Variants in TRAF3IP2 observed in about 807,000 individuals in gnomAD.
TRAF3IP2 encodes TRAF3 interacting protein 2.
Under a neutral mutation model 57.9 loss-of-function variants are expected in TRAF3IP2, and 35 were observed. The observed-to-expected ratio is 0.60, with a 90% CI of 0.46 to 0.80. The LOEUF (loss-of-function observed/expected upper bound fraction) is 0.80, where lower values mean the gene tolerates loss of function less well. TRAF3IP2 is among the 30% of genes least tolerant of loss of function. The pLI, the probability that TRAF3IP2 is intolerant of heterozygous loss-of-function variation, is 0.00. For synonymous variants in TRAF3IP2, 251 were observed against 268.9 expected (o/e 0.93, Z 0.65); for missense variants, 556 against 706.4 (o/e 0.79, Z 2.41).
At chr6:111,566,795 C>G (rs1366289536) in intron 6 of TRAF3IP2, among the ~76,000 whole-genome samples, 1 of 152,144 alleles carries the variant, frequency 6.6e-6, no homozygotes, top group Non-Finnish European at 1.5e-5. Flanking sequence ...GTGCTTTTGC[C>G]TACCATTTTC....
Position 111,580,326 on chromosome 6 carries a change from G to T in TRAF3IP2, c.893C>A (p.Pro298His), listed in dbSNP as rs139657171. The change falls in exon 3 of 9, where the codon CCC becomes CAC. Residue 298 changes from proline (P) to histidine (H), a missense_variant. Coordinates refer to ENST00000368761, the MANE Select transcript of TRAF3IP2 (RefSeq NM_147686.4). Reference sequence around the variant, plus strand: ...GCCTCTCACACTGGCTCCAGGCAGGGGCTGCCCAGGCAGAGCCGGCTGGAT... The same window carrying T: ...GCCTCTCACACTGGCTCCAGGCAGGTGCTGCCCAGGCAGAGCCGGCTGGAT... Reference protein sequence around the residue: ...QVIQPALPGQPLPGASVRGLH... With the variant: ...QVIQPALPGQHLPGASVRGLH... 5.0e-6 allele frequency: 8 copies of T among 1,604,180 alleles called. No individual in the cohort carries two copies. The African/African-American group carries it at 1.1e-4, about 22-fold the overall frequency.
intron 7 of TRAF3IP2, among the ~76,000 whole-genome samples, chr6:111,564,164 G>GCACA (rs10671013): frequency 1.3e-4 from 20 of 150,332 alleles, no homozygotes; most frequent in Admixed American, 7.3e-4. Context: ...AGTTGCATAC[G>GCACA]CACACACACA....
chr6:111,576,244 G>A (rs1795982405), intron 3 of TRAF3IP2: 2 of 169,972 alleles, frequency 1.2e-5, no homozygotes, highest in African/African-American at 2.4e-5. Flanking sequence ...AGGTAAAGAG[G>A]GCCATGTAGA....
chr6:111,563,795 T>C (rs970536798), intron 7 of TRAF3IP2, among the ~76,000 whole-genome samples: 1 of 152,192 alleles, frequency 6.6e-6, no homozygotes, highest in Admixed American at 6.5e-5. Context: ...AGAGGGGATG[T>C]CAATTGCGAA....
chr6:111,567,491 A>G, intron 6 of TRAF3IP2, 133 bp downstream of exon 6: 1 of 1,323,926 alleles, frequency 7.6e-7, no homozygotes, highest in South Asian at 1.9e-5. Flanking sequence ...GGCTTCCAAC[A>G]AGGGAGGCTT....
Position 111,559,497 on chromosome 6 carries a change from T to TA in TRAF3IP2, c.1605dup (p.Lys536Ter), listed in dbSNP as rs746647201. 44 of 1,614,050 alleles carry TA rather than the reference T, an allele frequency of 2.7e-5. No individual in the cohort carries two copies. The highest frequency in any genetic ancestry group is 1.1e-5 in the South Asian group (1 of 91,084). Reference sequence around the variant, plus strand: ...AGCAGCCGCAGCAGGATGTTTTTTTTATTCTTGGGCCAGCTGTAGACATGA... The same window carrying TA: ...AGCAGCCGCAGCAGGATGTTTTTTTTAATTCTTGGGCCAGCTGTAGACATGA... On this transcript the variant is annotated frameshift_variant, in exon 9 of 9. Transcript: ENST00000368761. LOFTEE classifies it high-confidence loss of function.
chr6:111,559,730 C>T (rs955013315), intron 8 of TRAF3IP2, among the ~76,000 whole-genome samples, 179 bp from the exon 9 acceptor site: 3 of 152,240 alleles, frequency 2.0e-5, no homozygotes, highest in Non-Finnish European at 4.4e-5. Flanking sequence ...TTCTTGGCTT[C>T]GGGTACAAGC....
chr6:111,598,134 A>G (rs1303126131), intron 1 of TRAF3IP2: 1 of 310,380 alleles, frequency 3.2e-6, no homozygotes, highest in East Asian at 8.3e-5. Flanking sequence ...GGCTCCCAAT[A>G]CAGAGCCCAG....
At chr6:111,585,246 A>G (rs1796289704) in intron 2 of TRAF3IP2, among the ~76,000 whole-genome samples, 1 of 152,102 alleles carries the variant, frequency 6.6e-6, no homozygotes, top group African/African-American at 2.4e-5. Flanking sequence ...AGGACGGTGT[A>G]TAACTATTTG....
chr6:111,576,949 A>G (rs1281558096), intron 3 of TRAF3IP2: 1 of 152,118 alleles, frequency 6.6e-6, no homozygotes, highest in East Asian at 1.9e-4. Context: ...TCATATTTTT[A>G]CCCAAGGAGT....
chr6:111,575,718 C>T lies in TRAF3IP2; in HGVS notation c.1126G>A (p.Ala376Thr), dbSNP rs2128375712. Residue 376 changes from alanine to threonine, a missense_variant, in exon 4 of 9, where the codon GCT becomes ACT. Physicochemically the swap from Ala to Thr is moderately conservative, Grantham distance 58. Around this residue, in one of 2 missense-constraint regions of TRAF3IP2, gnomAD observed 428 missense variants for 498.7 expected, o/e 0.86. Coordinates refer to ENST00000368761, the MANE Select transcript of TRAF3IP2 (RefSeq NM_147686.4). ...TTGCTAGGGGGTCTAGGCACAGCAG[C>T]TGGGGACGGAGGCTGGGGAACCTGT... ...RPQVPQPPSP[A>T]AVPRPPSNPP... The T allele has an allele frequency of 6.2e-7, 1 of 1,612,838 alleles. No individual in the cohort carries two copies. The highest frequency in any genetic ancestry group is 8.5e-7 in the Non-Finnish European group (1 of 1,179,630).
intron 1 of TRAF3IP2, among the ~76,000 whole-genome samples, chr6:111,597,497 T>C (rs985109819): frequency 2.0e-5 from 3 of 152,176 alleles, no homozygotes; most frequent in African/African-American, 7.2e-5. Flanking sequence ...GAGGCAGTCA[T>C]AGAGAACAAT....
At chr6:111,566,676 G>T in intron 6 of TRAF3IP2, 116 bp from the exon 7 acceptor site, 1 of 906,626 alleles carries the variant, frequency 1.1e-6, no homozygotes, top group Non-Finnish European at 1.9e-6. Flanking sequence ...AGAAGCACTG[G>T]CCCCCACTCA....
chr6:111,561,023 CA>C (rs1795414316), intron 8 of TRAF3IP2, among the ~76,000 whole-genome samples: 1 of 150,472 alleles, frequency 6.6e-6, no homozygotes, highest in Non-Finnish European at 1.5e-5. Context: ...CTCTACTAAA[CA>C]TACAAAAATT....
rs1399050610 is a variant in TRAF3IP2, at chr6:111,555,947, C to CA, written c.*3457dup. Among the ~76,000 whole-genome samples, 1 of 151,922 alleles carries CA rather than the reference C, an allele frequency of 6.6e-6. No homozygotes were observed. Among genetic ancestry groups the CA allele is most frequent in the Non-Finnish European group, 1.5e-5 (1 of 67,972 alleles). ...TGAAACCCCGTCTCTACTAAAAATA[C>CA]AAAAAATTAGCCGGGCATGGTGGCA... On this transcript the variant is annotated 3_prime_UTR_variant, in exon 9 of 9. Coordinates refer to ENST00000368761, the MANE Select transcript of TRAF3IP2 (RefSeq NM_147686.4).
chr6:111,562,844 CAAAAAA>C, intron 8 of TRAF3IP2, 115 bp downstream of exon 8: 2 of 599,056 alleles, frequency 3.3e-6, no homozygotes, highest in South Asian at 2.4e-5. Context: ...GACTCCATCT[CAAAAAA>C]AAAAAAAAAG....
In TRAF3IP2 at chr6:111,570,293, C is replaced by G. The variant is rs1795789450; in HGVS notation, c.1291-2601G>C. Among the ~76,000 whole-genome samples the G allele has an allele frequency of 2.6e-5, 4 of 152,318 alleles. No individual in the cohort carries two copies. In the South Asian group the frequency reaches 8.3e-4, roughly 32 times the overall value. Reference sequence around the variant, plus strand: ...AGTACTTTATAGGAATCCTAGCAAACTAATATAGCCATCCTCTTCATCTTC... The same window carrying G: ...AGTACTTTATAGGAATCCTAGCAAAGTAATATAGCCATCCTCTTCATCTTC... On this transcript the variant is annotated intron_variant, in intron 5 of 8. Transcript: ENST00000368761.
At position 111,559,653 on chromosome 6, in the gene TRAF3IP2, CG is replaced by C; in HGVS notation, c.1552-103del. 7.5e-6 allele frequency: 10 copies of C among 1,333,218 alleles called. No homozygotes were observed. In the East Asian group the frequency reaches 2.1e-4, roughly 28 times the overall value. The allele number at this position is 1,333,218 out of a possible 1,614,324, so 82.6% of individuals were successfully genotyped here. Reference sequence around the variant, plus strand: ...ACATTTCTGGCTTTCCCTACATGGGCGTTTCCTACCAAACTATCCTGGGAGT... The same window carrying C: ...ACATTTCTGGCTTTCCCTACATGGGCTTTCCTACCAAACTATCCTGGGAGT... On this transcript the variant is annotated intron_variant, in intron 8 of 8. Coordinates refer to ENST00000368761, the MANE Select transcript of TRAF3IP2 (RefSeq NM_147686.4).
At chr6:111,574,990 GGCGGGTGGATCACTCGAATCCA>G (rs1277671937) in intron 4 of TRAF3IP2, among the ~76,000 whole-genome samples, 4 of 152,242 alleles carry the variant, frequency 2.6e-5, no homozygotes, top group Non-Finnish European at 4.4e-5. Context: ...GGGAGGCCAA[GGCGGGTGGATCACTCGAATCCA>G]GCAGTTTGAG....
Sources: gnomAD v4.1 joint callset for allele counts (sites outside exome capture counted in the v4.1 genomes callset) on GRCh38, gnomAD v4.1.1 for gene constraint, gnomAD v4.1.1 regional missense constraint, MANE v1.5 for transcripts, NCBI Gene and HGNC (gene_info 2026-07-23, HGNC 2026-07-21) for gene names.